Variants in NPAS2 observed in about 807,000 individuals in gnomAD.
NPAS2 encodes the protein neuronal PAS domain protein 2.
Under a neutral mutation model 107.5 loss-of-function variants are expected in NPAS2, and 23 were observed. The observed-to-expected ratio is 0.21, with a 90% CI of 0.15 to 0.30. The LOEUF (loss-of-function observed/expected upper bound fraction) is 0.30. Among genes scored for constraint, NPAS2 ranks in the 10% least tolerant of loss-of-function variants. The pLI is 1.00. For synonymous variants in NPAS2, 403 were observed against 417.5 expected, an observed-to-expected ratio of 0.97 and a Z score of 0.42; for missense variants, 756 against 1,043.3, an observed-to-expected ratio of 0.72 and a Z score of 3.79.
At chr2:100,936,548 C>A (rs1323289091) in intron 4 of NPAS2, among the ~76,000 whole-genome samples, 1 of 152,168 alleles carries the variant, frequency 6.6e-6, no homozygotes, top group African/African-American at 2.4e-5. Context: ...CACTGGCACA[C>A]CCTAGACAGC....
intron 1 of NPAS2, among the ~76,000 whole-genome samples, chr2:100,858,257 C>A (rs1041427227): frequency 1.3e-5 from 2 of 152,086 alleles, no homozygotes. Context: ...ATTTTAAAAC[C>A]GTGACCAGCA....
At chr2:100,957,923 G>A (rs1675676194) in intron 7 of NPAS2, among the ~76,000 whole-genome samples, 1 of 151,710 alleles carries the variant, frequency 6.6e-6, no homozygotes, top group African/African-American at 2.4e-5. Flanking sequence ...GCGAAACTCA[G>A]TCTCAAAAAA....
chr2:100,932,843 C>T (rs1684048413), intron 3 of NPAS2, 67 bp from the exon 4 acceptor site: 1 of 1,077,934 alleles, frequency 9.3e-7, no homozygotes, highest in Non-Finnish European at 1.4e-6. Flanking sequence ...GTAACATGTG[C>T]TTCATTTGTT....
intron 13 of NPAS2, 185 bp from the exon 14 acceptor site, chr2:100,975,272 TG>T: frequency 3.2e-6 from 2 of 624,172 alleles, no homozygotes; most frequent in Non-Finnish European, 5.7e-6. Flanking sequence ...GGAGTGTTTG[TG>T]GTGTCTCCTA....
chr2:100,940,897 C>T (rs1299889639), intron 5 of NPAS2, among the ~76,000 whole-genome samples: 2 of 152,174 alleles, frequency 1.3e-5, no homozygotes, highest in African/African-American at 4.8e-5. Flanking sequence ...GAGGAAGAGG[C>T]GGCTCTTGAG....
chr2:100,883,174 A>G (rs1332836866), intron 1 of NPAS2, among the ~76,000 whole-genome samples: 1 of 152,168 alleles, frequency 6.6e-6, no homozygotes, highest in Non-Finnish European at 1.5e-5. Flanking sequence ...TACTTCTTTC[A>G]TGTTAAATTC....
chr2:100,889,211 T>C (rs116140987), intron 1 of NPAS2, among the ~76,000 whole-genome samples: 364 of 152,332 alleles, frequency 2.4e-3, no homozygotes, highest in African/African-American at 8.1e-3. Context: ...AGGCAGTAGC[T>C]CTTCTTTAGA....
At position 100,954,939 on chromosome 2, in the gene NPAS2, G is replaced by A. The variant is rs1271848557; in HGVS notation, c.598+5459G>A. 2.6e-5 allele frequency among the ~76,000 whole-genome samples: 4 copies of A among 151,524 alleles called. No individual in the cohort carries two copies. In the East Asian group the frequency reaches 5.8e-4, roughly 22 times the overall value. ...GTCACCCAGGTTGGAGTGTAGTGGC[G>A]TGATCTCGGCTCACTGGAACCTCTG... On this transcript the variant is annotated intron_variant, in intron 7 of 20. Transcript: ENST00000335681.
chr2:100,930,619 C>T (rs1178979503), intron 3 of NPAS2, among the ~76,000 whole-genome samples: 1 of 122,938 alleles, frequency 8.1e-6, no homozygotes, highest in Non-Finnish European at 1.7e-5. Flanking sequence ...TCGTATCTAA[C>T]ATATTTTTTT....
chr2:100,936,500 T>C (rs1459411730), intron 4 of NPAS2, among the ~76,000 whole-genome samples: 1 of 152,188 alleles, frequency 6.6e-6, no homozygotes, highest in Non-Finnish European at 1.5e-5. Context: ...AGACTTGCTT[T>C]CTGGAGAGGT....
chr2:100,866,680 A>G (rs565131553), intron 1 of NPAS2, among the ~76,000 whole-genome samples: 115 of 152,302 alleles, frequency 7.6e-4, no homozygotes, highest in African/African-American at 2.5e-3. Flanking sequence ...TATTCAACCA[A>G]TCATTCAGAA....
intron 1 of NPAS2, among the ~76,000 whole-genome samples, chr2:100,883,671 C>T (rs926450057): frequency 1.3e-5 from 2 of 152,164 alleles, no homozygotes; most frequent in African/African-American, 4.8e-5. Context: ...TGTACAGCCA[C>T]CTGTGCAGGT....
intron 2 of NPAS2, among the ~76,000 whole-genome samples, chr2:100,906,168 A>G (rs1682132725): frequency 6.6e-6 from 1 of 152,212 alleles, no homozygotes; most frequent in African/African-American, 2.4e-5. Context: ...CTTATCCTGA[A>G]GTGACAAGCC....
chr2:100,877,935 A>G (rs2104613994), intron 1 of NPAS2: 3 of 979,620 alleles, frequency 3.1e-6, no homozygotes, highest in East Asian at 1.1e-4. Flanking sequence ...AACAGTAAAC[A>G]TGGCTGAAAC....
intron 13 of NPAS2, 98 bp from the exon 14 acceptor site, chr2:100,975,360 G>C: frequency 9.9e-7 from 1 of 1,013,714 alleles, no homozygotes; most frequent in Non-Finnish European, 1.5e-6. Context: ...TCCCAAGCGA[G>C]CTCTTGTACT....
intron 2 of NPAS2, among the ~76,000 whole-genome samples, chr2:100,915,656 TAAAAG>T (rs958300341): frequency 7.9e-5 from 12 of 152,146 alleles, no homozygotes; most frequent in African/African-American, 2.7e-4. Flanking sequence ...TTTTAAATGT[TAAAAG>T]AAAAGAGCTA....
In NPAS2 at chr2:100,820,834, C is replaced by A. The variant is rs1170221059; in HGVS notation, c.-23+420C>A. On this transcript the variant is annotated intron_variant, in intron 1 of 20. Coordinates refer to ENST00000335681, the MANE Select transcript of NPAS2 (RefSeq NM_002518.4). The surrounding 1 kb of genome is among the most constrained non-coding windows in gnomAD (Gnocchi z 5.6). ...CGCTACCCTCCGAAACGTCGGGCGT[C>A]CTGGACCCCCGGAGAGTGCGGCGTG... Among the ~76,000 whole-genome samples the A allele has an allele frequency of 1.3e-5, 2 of 152,076 alleles. No homozygotes were observed. The highest frequency in any genetic ancestry group is 4.8e-5 in the African/African-American group (2 of 41,430).
intron 7 of NPAS2, among the ~76,000 whole-genome samples, chr2:100,959,098 A>ACC (rs1293050838): frequency 1.4e-4 from 15 of 105,192 alleles, no homozygotes; most frequent in Non-Finnish European, 2.7e-4. Flanking sequence ...TCAAAAAAAA[A>ACC]AAAAAAAAAA....
intron 7 of NPAS2, among the ~76,000 whole-genome samples, chr2:100,950,904 C>A (rs1212468155): frequency 6.6e-6 from 1 of 152,164 alleles, no homozygotes; most frequent in Non-Finnish European, 1.5e-5. Context: ...TTTAATGAAC[C>A]ACACAAAGAA....
Sources: gnomAD v4.1 joint callset for allele counts (sites outside exome capture counted in the v4.1 genomes callset) on GRCh38, gnomAD v4.1.1 for gene constraint, Gnocchi (gnomAD v3.1) non-coding constraint, MANE v1.5 for transcripts, NCBI Gene and HGNC (gene_info 2026-07-23, HGNC 2026-07-21) for gene names.